NCOA2: variants seen among roughly 807,000 people sequenced by gnomAD.
The protein encoded by NCOA2 is nuclear receptor coactivator 2.
Under a neutral mutation model 145.1 loss-of-function variants are expected in NCOA2, and 21 were observed. That is an observed-to-expected ratio of 0.14 (90% CI 0.10 to 0.21). The LOEUF (loss-of-function observed/expected upper bound fraction) is 0.21. Among genes scored for constraint, NCOA2 ranks in the 10% least tolerant of loss-of-function variants. The pLI is 1.00. For missense variants in NCOA2, 1,472 were observed against 1,837.6 expected (o/e 0.80, Z 3.64); for synonymous variants, 619 against 637.5 (o/e 0.97, Z 0.44).
intron 1 of NCOA2, among the ~76,000 whole-genome samples, chr8:70,353,988 C>T (rs1809465764): frequency 6.6e-6 from 1 of 152,108 alleles, no homozygotes; most frequent in Non-Finnish European, 1.5e-5. Flanking sequence ...ATGCCAAAAC[C>T]TTAGCTCTGG....
chr8:70,290,184 A>ATTTTTTTTTTTTTTTTTTTTTTTTTTT (rs918257984), intron 2 of NCOA2, among the ~76,000 whole-genome samples: 1 of 122,302 alleles, frequency 8.2e-6, no homozygotes. Flanking sequence ...ATTTCCATTG[A>ATTTTTTTTTTTTTTTTTTTTTTTTTTT]TTTTTTTTTT....
At chr8:70,386,363 C>G (rs1253379022) in intron 1 of NCOA2, among the ~76,000 whole-genome samples, 2 of 152,128 alleles carry the variant, frequency 1.3e-5, no homozygotes, top group Non-Finnish European at 2.9e-5. Flanking sequence ...ATGTAAAAAG[C>G]CCTGCATCTT....
At chr8:70,248,103 A>C (rs1416295687) in intron 2 of NCOA2, among the ~76,000 whole-genome samples, 1 of 152,212 alleles carries the variant, frequency 6.6e-6, no homozygotes, top group Non-Finnish European at 1.5e-5. Context: ...AGTTGTTTTT[A>C]GCTTTAACAT....
intron 2 of NCOA2, among the ~76,000 whole-genome samples, chr8:70,218,903 C>T (rs777641188): frequency 3.9e-5 from 6 of 152,108 alleles, no homozygotes; most frequent in Non-Finnish European, 7.4e-5. Context: ...CTATTCCCCC[C>T]CTCAAAAGCA....
intron 1 of NCOA2, among the ~76,000 whole-genome samples, chr8:70,337,200 AGTGT>A (rs72265721): frequency 0.11 from 15,446 of 146,190 alleles, 809 homozygotes; most frequent in South Asian, 0.14. Context: ...ACTGCTGAGG[AGTGT>A]GTGTGTGTGT....
At position 70,112,544 on chromosome 8, in the gene NCOA2, A is replaced by G. The variant is rs1806631509; in HGVS notation, c.*1088T>C. 1 of 205,122 alleles carries G rather than the reference A, an allele frequency of 4.9e-6. No individual in the cohort carries two copies. The allele number at this position is 205,122 out of a possible 1,614,324, so 12.7% of individuals were successfully genotyped here. On this transcript the variant is annotated 3_prime_UTR_variant, in exon 23 of 23. Transcript: ENST00000452400. ...GGCGTTTTCTCCCATTTTGGAGGCC[A>G]GAGTTGCTGGGGAACAGAATAAACA...
intron 4 of NCOA2, among the ~76,000 whole-genome samples, chr8:70,207,003 A>G (rs192119348): frequency 1.2e-4 from 19 of 152,304 alleles, no homozygotes; most frequent in Admixed American, 5.2e-4. Flanking sequence ...TTCCACAGCT[A>G]GTTGTCTGAA....
At chr8:70,275,007 C>G (rs1450790896) in intron 2 of NCOA2, among the ~76,000 whole-genome samples, 1 of 152,116 alleles carries the variant, frequency 6.6e-6, no homozygotes, top group Non-Finnish European at 1.5e-5. Flanking sequence ...ATTTACACTA[C>G]AATTAAATAT....
upstream of NCOA2, among the ~76,000 whole-genome samples, chr8:70,404,280 A>G (rs1814657267): frequency 6.6e-6 from 1 of 152,196 alleles, no homozygotes; most frequent in Non-Finnish European, 1.5e-5. Context: ...CCAAAAAGAA[A>G]ACTAGCGACT....
At chr8:70,375,047 GA>G (rs752729828) in intron 1 of NCOA2, among the ~76,000 whole-genome samples, 6 of 150,332 alleles carry the variant, frequency 4.0e-5, no homozygotes, top group East Asian at 3.9e-4. Context: ...CCTGGTAAAT[GA>G]AAAAAAAAGA....
At chr8:70,286,310 G>A (rs1425042420) in intron 2 of NCOA2, among the ~76,000 whole-genome samples, 1 of 152,186 alleles carries the variant, frequency 6.6e-6, no homozygotes, top group Non-Finnish European at 1.5e-5. Flanking sequence ...CTGCCCAGGA[G>A]TTCAAGGTTG....
In NCOA2 at chr8:70,156,880, T is replaced by C; in HGVS notation, c.1485A>G (p.Gly495=). ...GTGGGATTCGAGGGCTGCCAGCCAC[T>C]CCAGGGCTCATGCGATGCCTTGGTG... is the stretch of plus-strand genomic sequence containing the variant. ...MLSPRHRMSP[G]VAGSPRIPPS... The change falls in exon 11 of 23, where the codon GGA becomes GGG. Residue 495 remains glycine, a synonymous_variant. Coordinates refer to ENST00000452400, the MANE Select transcript of NCOA2 (RefSeq NM_006540.4). 6.2e-7 allele frequency: 1 copy of C among 1,613,998 alleles called. No homozygotes were observed. Among genetic ancestry groups the C allele is most frequent in the Non-Finnish European group, 8.5e-7 (1 of 1,179,892 alleles).
At chr8:70,114,695 T>C (rs886841815) in intron 22 of NCOA2, among the ~76,000 whole-genome samples, 2 of 152,224 alleles carry the variant, frequency 1.3e-5, no homozygotes, top group Admixed American at 6.5e-5. Context: ...GTGGAAATAC[T>C]GTCTGCTTTG....
intron 1 of NCOA2, among the ~76,000 whole-genome samples, chr8:70,375,389 C>T (rs116050226): frequency 2.9e-3 from 435 of 152,226 alleles, no homozygotes; most frequent in African/African-American, 9.4e-3. Context: ...TAGAAATTTG[C>T]AGTGGCATCA....
At chr8:70,346,266 C>G (rs1446746338) in intron 1 of NCOA2, among the ~76,000 whole-genome samples, 1 of 152,208 alleles carries the variant, frequency 6.6e-6, no homozygotes, top group African/African-American at 2.4e-5. Context: ...GCCAAGCCAC[C>G]GAACCTGCTA....
intron 2 of NCOA2, among the ~76,000 whole-genome samples, chr8:70,236,757 T>G (rs1821647621): frequency 6.6e-6 from 1 of 152,154 alleles, no homozygotes; most frequent in Non-Finnish European, 1.5e-5. Context: ...ATGTATTAGG[T>G]ATTGTAAGTA....
chr8:70,252,628 C>T (rs927372326), intron 2 of NCOA2, among the ~76,000 whole-genome samples: 1 of 152,116 alleles, frequency 6.6e-6, no homozygotes, highest in Non-Finnish European at 1.5e-5. Flanking sequence ...CAATCACATA[C>T]GTTAGGGCCC....
intron 7 of NCOA2, among the ~76,000 whole-genome samples, chr8:70,164,214 T>C (rs2132466232): frequency 6.6e-6 from 1 of 152,308 alleles, no homozygotes; most frequent in South Asian, 2.1e-4. Context: ...ACACAGCCAA[T>C]TCTAATCACT....
chr8:70,300,430 G>GA (rs1198923646), intron 1 of NCOA2, among the ~76,000 whole-genome samples: 1 of 152,166 alleles, frequency 6.6e-6, no homozygotes, highest in East Asian at 1.9e-4. Context: ...CGTGAGTAGG[G>GA]ATCTAAGGGT....
Sources: allele counts gnomAD v4.1 joint callset (sites outside exome capture counted in the v4.1 genomes callset), GRCh38; gene constraint gnomAD v4.1.1; transcripts MANE v1.5; gene names NCBI Gene and HGNC (gene_info 2026-07-23, HGNC 2026-07-21).